ARID3A: variants seen among roughly 807,000 people sequenced by gnomAD.
The protein encoded by ARID3A is AT-rich interactive domain-containing protein 3A.
ARID3A carries 11 observed loss-of-function variants against 52.7 expected under a neutral mutation model. The ratio of observed to expected loss-of-function variants is 0.21; its 90% CI spans 0.13 to 0.35. The LOEUF (loss-of-function observed/expected upper bound fraction) is 0.35. Among genes scored for constraint, ARID3A ranks in the 10% least tolerant of loss-of-function variants. ARID3A has a pLI of 1.00. For missense variants in ARID3A, 721 were observed against 838.5 expected, an observed-to-expected ratio of 0.86 and a Z score of 1.73; for synonymous variants, 404 against 359.4, an observed-to-expected ratio of 1.12 and a Z score of -1.40.
intron 3 of ARID3A, among the ~76,000 whole-genome samples, chr19:952,715 G>A (rs980821308): frequency 1.3e-5 from 2 of 152,302 alleles, no homozygotes; most frequent in Admixed American, 1.3e-4. Flanking sequence ...TCCCCAGGTG[G>A]GGCCTCATGG....
At position 975,498 on chromosome 19, in the gene ARID3A, T is replaced by C; in HGVS notation, c.*3433T>C. ...TTTGCATTTTTTTCCTTGGCAAATGTAAACTCAGCCTTTCATTCATGACGT... is the reference window on the plus strand; with the variant it reads ...TTTGCATTTTTTTCCTTGGCAAATGCAAACTCAGCCTTTCATTCATGACGT... On this transcript the variant is annotated 3_prime_UTR_variant, in exon 9 of 9. Coordinates refer to ENST00000263620, the MANE Select transcript of ARID3A (RefSeq NM_005224.3). 1 of 225,326 alleles carries C rather than the reference T, an allele frequency of 4.4e-6. No individual in the cohort carries two copies. Among genetic ancestry groups the C allele is most frequent in the Non-Finnish European group, 8.9e-6 (1 of 112,918 alleles). The allele number at this position is 225,326 out of a possible 1,614,324, so 14.0% of individuals were successfully genotyped here.
At chr19:936,870 C>T (rs1008229415) in intron 3 of ARID3A, among the ~76,000 whole-genome samples, 1 of 151,260 alleles carries the variant, frequency 6.6e-6, no homozygotes, top group African/African-American at 2.4e-5. Flanking sequence ...AAACCCTGAC[C>T]CTTTAACTAT....
At chr19:954,875 C>A (rs985114835) in intron 3 of ARID3A, among the ~76,000 whole-genome samples, 14 of 152,116 alleles carry the variant, frequency 9.2e-5, no homozygotes, top group South Asian at 2.1e-4. Context: ...AACTTCACAC[C>A]CGACCCCTCC....
At chr19:968,358 CA>C (rs372046352) in intron 7 of ARID3A, 46 bp from the exon 8 acceptor site, 39,234 of 968,692 alleles carry the variant, frequency 0.041, 7 homozygotes, top group South Asian at 0.053. Context: ...GACTCTGTCT[CA>C]AAAAAAAAAA....
At chr19:965,273 C>T in intron 6 of ARID3A, 193 bp downstream of exon 6, 1 of 646,410 alleles carries the variant, frequency 1.5e-6, no homozygotes, top group South Asian at 2.3e-5. Flanking sequence ...TTTTCTAATT[C>T]CACACAGGTG....
At chr19:935,993 T>C (rs1452078682) in intron 3 of ARID3A, among the ~76,000 whole-genome samples, 1 of 151,238 alleles carries the variant, frequency 6.6e-6, no homozygotes, top group Non-Finnish European at 1.5e-5. Context: ...GGTTTCACCG[T>C]GTTAGCCAGG....
At chr19:955,373 G>A (rs1414223644) in intron 3 of ARID3A, among the ~76,000 whole-genome samples, 3 of 152,160 alleles carry the variant, frequency 2.0e-5, no homozygotes, top group Non-Finnish European at 2.9e-5. Flanking sequence ...CGCCTCCCCC[G>A]CCAGCAGCTG....
Position 963,946 on chromosome 19 carries a change from G to A in ARID3A, c.767-302G>A, listed in dbSNP as rs576262287. Among the ~76,000 whole-genome samples, 142 of 152,274 alleles carry A rather than the reference G, an allele frequency of 9.3e-4. 1 individual carries two copies. Among genetic ancestry groups the A allele is most frequent in the African/African-American group, 3.2e-3 (132 of 41,564 alleles). Reference sequence around the variant, plus strand: ...CGTGGAGAAGGAATAACAAAGATCCGGGCGTCTCCCGCACGTCCCTCCTCT... The same window carrying A: ...CGTGGAGAAGGAATAACAAAGATCCAGGCGTCTCCCGCACGTCCCTCCTCT... On this transcript the variant is annotated intron_variant, in intron 4 of 8. Transcript: ENST00000263620.
intron 2 of ARID3A, 132 bp downstream of exon 2, chr19:930,028 C>A: frequency 7.5e-7 from 1 of 1,330,872 alleles, no homozygotes; most frequent in Non-Finnish European, 1.0e-6. Context: ...GTTTGAGAGG[C>A]CGACGTGGGA....
chr19:973,071 T>G lies in ARID3A; in HGVS notation c.*1006T>G. 1 of 168,614 alleles carries G rather than the reference T, an allele frequency of 5.9e-6. No individual in the cohort carries two copies. The highest frequency in any genetic ancestry group is 1.0e-4 in the East Asian group (1 of 9,642). 10.4% of individuals were successfully genotyped at this position (168,614 alleles called of 1,614,324 possible). ...ACGATGCTTTTGCTTGTGCCGTGCT[T>G]GTCTGCTGGGCTCTCGAGTCAGGGG... is the stretch of plus-strand genomic sequence containing the variant. On this transcript the variant is annotated 3_prime_UTR_variant, in exon 9 of 9. Transcript: ENST00000263620.
At chr19:952,899 G>A (rs751839802) in intron 3 of ARID3A, among the ~76,000 whole-genome samples, 18 of 152,192 alleles carry the variant, frequency 1.2e-4, no homozygotes, top group Non-Finnish European at 2.6e-4. Flanking sequence ...CCTGCCTGGG[G>A]ACTGAGTGGG....
In ARID3A at chr19:973,819, TC is replaced by T. The variant is rs2038329386; in HGVS notation, c.*1755del. 3.0e-5 allele frequency: 7 copies of T among 229,966 alleles called. No individual in the cohort carries two copies. In the East Asian group the frequency reaches 4.3e-4, roughly 14 times the overall value. 14.2% of individuals were successfully genotyped at this position (229,966 alleles called of 1,614,324 possible). ...TCCCCCTGGCTTGGAGAAAGTGGGGTCACCGCAGCTGAGCTGGGGGGTTATT... is the reference window on the plus strand; with the variant it reads ...TCCCCCTGGCTTGGAGAAAGTGGGGTACCGCAGCTGAGCTGGGGGGTTATT... On this transcript the variant is annotated 3_prime_UTR_variant, in exon 9 of 9. Coordinates refer to ENST00000263620, the MANE Select transcript of ARID3A (RefSeq NM_005224.3).
At chr19:940,935 C>A (rs1372067507) in intron 3 of ARID3A, among the ~76,000 whole-genome samples, 2 of 152,122 alleles carry the variant, frequency 1.3e-5, no homozygotes, top group Non-Finnish European at 2.9e-5. Context: ...TGGGTGCCCG[C>A]CAGCCCCTGG....
chr19:936,350 C>T (rs1161383359), intron 3 of ARID3A, among the ~76,000 whole-genome samples: 1 of 152,038 alleles, frequency 6.6e-6, no homozygotes, highest in African/African-American at 2.4e-5. Context: ...CCCAGGAGTT[C>T]TACACCAGCC....
chr19:929,580 C>T lies in ARID3A; in HGVS notation c.52C>T (p.Arg18Cys), dbSNP rs1381759794. 2.0e-6 allele frequency: 3 copies of T among 1,523,792 alleles called. No individual in the cohort carries two copies. Among genetic ancestry groups the T allele is most frequent in the East Asian group, 2.5e-5 (1 of 39,498 alleles). The allele number at this position is 1,523,792 out of a possible 1,614,324, so 94.4% of individuals were successfully genotyped here. The change falls in exon 2 of 9, where the codon CGC (arginine) becomes TGC (cysteine). Residue 18 changes from arginine (R) to cysteine (C), a missense_variant. Arg to Cys is a radical substitution (Grantham distance 180, BLOSUM62 -3). This residue lies in a region of ARID3A where 349 missense variants were observed against 297.3 expected (regional missense o/e 1.17). Transcript: ENST00000263620. The surrounding 1 kb of genome is among the most constrained non-coding windows in gnomAD (Gnocchi z 6.2). Reference protein sequence around the residue: ...ETLLQRQQRARQELEARQQLP... With the variant: ...ETLLQRQQRACQELEARQQLP... ...GCTGTTGCAGCGGCAGCAGCGGGCG[C>T]GCCAGGAGCTGGAGGCCCGGCAGCA...
chr19:962,476 G>C (rs1345631907), intron 4 of ARID3A, among the ~76,000 whole-genome samples: 1 of 151,048 alleles, frequency 6.6e-6, no homozygotes, highest in Non-Finnish European at 1.5e-5. Flanking sequence ...TGCAGAGCCA[G>C]GGCGTGGCCC....
intron 2 of ARID3A, among the ~76,000 whole-genome samples, chr19:931,789 GAC>G (rs1216348952): frequency 1.3e-5 from 2 of 150,378 alleles, no homozygotes; most frequent in Non-Finnish European, 3.0e-5. Flanking sequence ...CTCCAGCCTG[GAC>G]GACAGAGCGA....
Position 972,052 on chromosome 19 carries a change from A to T in ARID3A, c.1769A>T (p.Asn590Ile). The T allele has an allele frequency of 6.4e-7, 1 of 1,555,782 alleles. No homozygotes were observed. The highest frequency in any genetic ancestry group is 8.7e-7 in the Non-Finnish European group (1 of 1,153,810). ...LSTPSTSTSN[N>I]SLP ...ACACCCTCCACATCTACCTCAAATA[A>T]CTCGTTGCCTTAACCGCATCACTCC... is the stretch of plus-strand genomic sequence containing the variant. Residue 590 changes from asparagine to isoleucine, a missense_variant, in exon 9 of 9, where the codon AAC becomes ATC. Transcript: ENST00000263620.
chr19:948,518 T>G (rs1289198772), intron 3 of ARID3A, among the ~76,000 whole-genome samples: 1 of 151,922 alleles, frequency 6.6e-6, no homozygotes, highest in African/African-American at 2.4e-5. Context: ...GCCCGGAGAA[T>G]GGGCAGACTG....
Sources: gnomAD v4.1 joint callset for allele counts (sites outside exome capture counted in the v4.1 genomes callset) on GRCh38, gnomAD v4.1.1 for gene constraint, gnomAD v4.1.1 regional missense constraint, Gnocchi (gnomAD v3.1) non-coding constraint, MANE v1.5 for transcripts, NCBI Gene and HGNC (gene_info 2026-07-23, HGNC 2026-07-21) for gene names.